Variants in MIS18A observed in about 807,000 individuals in gnomAD.
The protein encoded by MIS18A is MIS18 kinetochore protein A, also known as protein Mis18-alpha.
MIS18A carries 14 observed loss-of-function variants against 25.0 expected under a neutral mutation model. The observed-to-expected ratio is 0.56, with a 90% CI of 0.37 to 0.88. MIS18A has a LOEUF of 0.88. Among genes scored for constraint, MIS18A ranks in the 40% least tolerant of loss-of-function variants. The pLI, the probability that MIS18A is intolerant of heterozygous loss-of-function variation, is 0.00. For missense variants in MIS18A, 292 were observed against 290.8 expected (o/e 1.00, Z -0.03); for synonymous variants, 134 against 118.6 (o/e 1.13, Z -0.84).
chr21:32,270,285 T>G, intron 3 of MIS18A, 122 bp downstream of exon 3: 1 of 1,180,366 alleles, frequency 8.5e-7, no homozygotes, highest in Non-Finnish European at 1.1e-6. Flanking sequence ...AATTACTGGC[T>G]TGTTAGAAAT....
chr21:32,188,783 G>T, the MIS18A span, among the ~76,000 whole-genome samples: 1 of 152,204 alleles, frequency 6.6e-6, no homozygotes. Flanking sequence ...AGCCTGAGAT[G>T]ATCAGAGATG....
the MIS18A span, among the ~76,000 whole-genome samples, chr21:32,157,223 A>ATTT: frequency 0.022 from 1,586 of 72,286 alleles, 77 homozygotes; most frequent in Non-Finnish European, 0.03. Flanking sequence ...TACCCGGCTA[A>ATTT]TTTTTTTTTT....
the MIS18A span, among the ~76,000 whole-genome samples, chr21:32,190,228 C>CT: frequency 2.0e-5 from 3 of 151,274 alleles, no homozygotes; most frequent in Admixed American, 6.6e-5. Flanking sequence ...CTCTTTTCTT[C>CT]TTTTTCCTGC....
rs895701078 is a variant in MIS18A at position 32,268,792 on chromosome 21, T to TG, written c.*244dup. 4 of 328,000 alleles carry TG rather than the reference T, an allele frequency of 1.2e-5. No individual in the cohort carries two copies. The highest frequency in any genetic ancestry group is 6.7e-5 in the African/African-American group (3 of 44,906). 20.3% of individuals were successfully genotyped at this position (328,000 alleles called of 1,614,324 possible). A position where few individuals can be genotyped will look rare whatever the true frequency, so the allele number is the denominator to read the frequency against. ...AGCTATAGAAGTAATTCTACAATTTTGGGTTTTTTTTTTGAGAGAAGGTCT... is the reference window on the plus strand; with the variant it reads ...AGCTATAGAAGTAATTCTACAATTTTGGGGTTTTTTTTTTGAGAGAAGGTCT... On this transcript the variant is annotated 3_prime_UTR_variant, in exon 5 of 5. Coordinates refer to ENST00000290130, the MANE Select transcript of MIS18A (RefSeq NM_018944.3).
At chr21:32,227,440 C>T in the MIS18A span, among the ~76,000 whole-genome samples, 1 of 151,400 alleles carries the variant, frequency 6.6e-6, no homozygotes, top group East Asian at 1.9e-4. Context: ...CAATTGTACA[C>T]CAAAAAATCA....
chr21:32,238,585 C>T, the MIS18A span, among the ~76,000 whole-genome samples: 1 of 152,194 alleles, frequency 6.6e-6, no homozygotes, highest in African/African-American at 2.4e-5. Flanking sequence ...GCTATGCTGG[C>T]TTTTCCCCAC....
At chr21:32,271,815 A>C (rs1390678748) in intron 2 of MIS18A, among the ~76,000 whole-genome samples, 1 of 152,202 alleles carries the variant, frequency 6.6e-6, no homozygotes, top group African/African-American at 2.4e-5. Flanking sequence ...CACAGTGAAC[A>C]GGTAAACCTC....
the MIS18A span, among the ~76,000 whole-genome samples, chr21:32,204,885 TCAAA>T: frequency 2.0e-5 from 3 of 152,052 alleles, no homozygotes; most frequent in African/African-American, 4.8e-5. Flanking sequence ...AGACTCTGGC[TCAAA>T]CAAACAAACA....
At chr21:32,267,584 G>A (rs774051252), downstream of MIS18A, among the ~76,000 whole-genome samples, 4 of 152,200 alleles carry the variant, frequency 2.6e-5, no homozygotes, top group Admixed American at 1.3e-4. Flanking sequence ...ATAAGGAATC[G>A]GGGAGCCAAA....
rs2031877941 is a variant in MIS18A at position 32,278,947 on chromosome 21, C to A, written c.68G>T (p.Gly23Val). Residue 23 changes from glycine (G) to valine (V), a missense_variant, in exon 1 of 5, where the codon GGC (glycine) becomes GTC (valine). Coordinates refer to ENST00000290130, the MANE Select transcript of MIS18A (RefSeq NM_018944.3). ...CAACAGCGAGGAGTCGCTGCATTTG[C>A]CCTTGTCGCCGCACTCACAGCCGCC... ...CAGGCECGDK[G>V]KCSDSSLLGK... The A allele has an allele frequency of 1.9e-6, 3 of 1,613,028 alleles. No homozygotes were observed. Among genetic ancestry groups the A allele is most frequent in the Non-Finnish European group, 1.7e-6 (2 of 1,180,012 alleles).
At chr21:32,256,585 T>G in the MIS18A span, among the ~76,000 whole-genome samples, 2 of 152,206 alleles carry the variant, frequency 1.3e-5, no homozygotes, top group Non-Finnish European at 2.9e-5. Context: ...TGCCCTGATT[T>G]GGACAATAAT....
the MIS18A span, among the ~76,000 whole-genome samples, chr21:32,180,959 G>T: frequency 6.7e-6 from 1 of 148,828 alleles, no homozygotes; most frequent in Non-Finnish European, 1.5e-5. Flanking sequence ...GTTAATTTTT[G>T]GGTCAACTTG....
the MIS18A span, among the ~76,000 whole-genome samples, chr21:32,181,532 C>A: frequency 6.6e-6 from 1 of 152,126 alleles, no homozygotes; most frequent in East Asian, 1.9e-4. Flanking sequence ...ACCACCCACA[C>A]TGCTTACCAG....
the MIS18A span, among the ~76,000 whole-genome samples, chr21:32,160,321 CACACACACACAT>C: frequency 8.0e-3 from 995 of 125,138 alleles, 19 homozygotes; most frequent in African/African-American, 0.034. Flanking sequence ...CACACACACA[CACACACACACAT>C]ACACCATTTC....
the MIS18A span, among the ~76,000 whole-genome samples, chr21:32,189,098 G>C: frequency 1.4e-5 from 2 of 142,812 alleles, no homozygotes; most frequent in South Asian, 2.4e-4. Flanking sequence ...TCATGGAAGA[G>C]GGGAAGCGGC....
chr21:32,270,529 G>A lies in MIS18A; in HGVS notation c.402C>T (p.Cys134=), dbSNP rs1437181639. 9.1e-6 allele frequency: 14 copies of A among 1,543,030 alleles called. No homozygotes were observed. The highest frequency in any genetic ancestry group is 9.6e-6 in the Non-Finnish European group (11 of 1,147,288). The part of the protein sequence containing the change: ...KLSKREKENG[C]VLETLCCAGC... ...CCGCGCAGCACAAAGTCTCAAGGAC[G>A]CTGCAATAAAGAAATGTCTTGCTTT... The change falls in exon 3 of 5, where the codon TGC becomes TGT. Residue 134 remains cysteine, a splice_region_variant and synonymous_variant. Coordinates refer to ENST00000290130, the MANE Select transcript of MIS18A (RefSeq NM_018944.3).
chr21:32,274,840 C>T lies in MIS18A; in HGVS notation c.391G>A (p.Glu131Lys), dbSNP rs766207504. The change falls in exon 2 of 5, where the codon GAA becomes AAA. Residue 131 changes from glutamate (E) to lysine (K), a missense_variant. Glu to Lys is a moderately conservative substitution (Grantham distance 56, BLOSUM62 1). Coordinates refer to ENST00000290130, the MANE Select transcript of MIS18A (RefSeq NM_018944.3). ...TACAGTTTTACTCACCAACCATTTT[C>T]CTTTTCACGTTTGGATAGCTTCTGT... ...KEQKLSKREK[E>K]NGCVLETLCC... 1.9e-4 allele frequency: 306 copies of T among 1,611,696 alleles called. No individual in the cohort carries two copies. Among genetic ancestry groups the T allele is most frequent in the Non-Finnish European group, 2.5e-4 (291 of 1,178,374 alleles).
chr21:32,262,714 G>A, the MIS18A span, among the ~76,000 whole-genome samples: 1 of 152,160 alleles, frequency 6.6e-6, no homozygotes, highest in African/African-American at 2.4e-5. Flanking sequence ...AAAAACCATG[G>A]TGGTAATTGT....
the MIS18A span, among the ~76,000 whole-genome samples, chr21:32,220,201 G>C: frequency 6.6e-6 from 1 of 152,186 alleles, no homozygotes; most frequent in South Asian, 2.1e-4. Context: ...CCCAGCAGGG[G>C]TCAACAGACA....
Sources: gnomAD v4.1 joint callset for allele counts (sites outside exome capture counted in the v4.1 genomes callset) on GRCh38, gnomAD v4.1.1 for gene constraint, MANE v1.5 for transcripts, NCBI Gene and HGNC (gene_info 2026-07-23, HGNC 2026-07-21) for gene names.